ACAN: variants seen among roughly 807,000 people sequenced by gnomAD.
ACAN encodes aggrecan core protein.
In ACAN, 47 loss-of-function variants were observed where a neutral mutation model predicts 169.1. The ratio of observed to expected loss-of-function variants is 0.28; its 90% confidence interval spans 0.22 to 0.35. ACAN has a LOEUF of 0.35. Ranked by LOEUF, ACAN falls within the 10% of genes least tolerant of loss-of-function variation. The pLI, the probability that ACAN is intolerant of heterozygous loss-of-function variation, is 1.00. For missense variants in ACAN, 2,716 were observed against 2,759.9 expected, an observed-to-expected ratio of 0.98 and a Z score of 0.36; for synonymous variants, 1,115 against 1,112.2, an observed-to-expected ratio of 1.00 and a Z score of -0.05.
chr15:88,862,663 G>C (rs7165219), intron 13 of ACAN, among the ~76,000 whole-genome samples: 6,642 of 152,170 alleles, frequency 0.044, 347 homozygotes, highest in East Asian at 0.14. Flanking sequence ...GGTGACCCAC[G>C]ATTGTCTTGC....
At chr15:88,815,640 A>C (rs1895920723) in intron 1 of ACAN, among the ~76,000 whole-genome samples, 1 of 143,508 alleles carries the variant, frequency 7.0e-6, no homozygotes, top group African/African-American at 2.7e-5. Context: ...CAAGACATGA[A>C]ATGTTCTGCA....
At position 88,857,572 on chromosome 15, in the gene ACAN, G is replaced by T. The variant is rs1897085596; in HGVS notation, c.4987G>T (p.Asp1663Tyr). 1 of 1,613,944 alleles carries T rather than the reference G, an allele frequency of 6.2e-7. No individual in the cohort carries two copies. Among genetic ancestry groups the T allele is most frequent in the South Asian group, 1.1e-5 (1 of 91,080 alleles). Residue 1663 changes from aspartate (D) to tyrosine (Y), a missense_variant, in exon 12 of 19, where the codon GAT becomes TAT. Physicochemically the swap from Asp to Tyr is radical, Grantham distance 160. This residue lies in a region of ACAN where 1,389 missense variants were observed against 1,363.7 expected (regional missense o/e 1.02). Coordinates refer to ENST00000560601, the MANE Select transcript of ACAN (RefSeq NM_001369268.1). ...TGGATTCCCAACTGTTTCCCTAGTG[G>T]ATTCTACATTGGTGGAAGTGGTCAC... ...PSGFPTVSLVDSTLVEVVTAS... is the reference protein window; with the variant it reads ...PSGFPTVSLVYSTLVEVVTAS...
At chr15:88,819,550 G>A (rs1435222530) in intron 1 of ACAN, among the ~76,000 whole-genome samples, 2 of 148,368 alleles carry the variant, frequency 1.3e-5, no homozygotes, top group Admixed American at 1.4e-4. Context: ...ATTGCTTGAA[G>A]TCAGAAGTCT....
In ACAN at chr15:88,839,081, C is replaced by G. The variant is rs368657035; in HGVS notation, c.454+35C>G. On this transcript the variant is annotated intron_variant, in intron 3 of 18. Transcript: ENST00000560601. This position sits in a 1 kb window ranked among gnomAD's most constrained non-coding sequence, Gnocchi z 4.5. ...TCCCACAGGGACAGACGCTGCTTCA[C>G]CCACATAAAGAACCAGAGCAGTCTC... The G allele has an allele frequency of 5.0e-6, 8 of 1,593,178 alleles. No individual in the cohort carries two copies. Among genetic ancestry groups the G allele is most frequent in the Non-Finnish European group, 6.0e-6 (7 of 1,176,398 alleles).
chr15:88,834,488 G>C (rs1018472827), intron 1 of ACAN, among the ~76,000 whole-genome samples: 1 of 152,194 alleles, frequency 6.6e-6, no homozygotes, highest in Non-Finnish European at 1.5e-5. Flanking sequence ...CCCAGCCGGC[G>C]GTGACTGAGC....
At chr15:88,848,121 G>A in intron 9 of ACAN, 83 bp downstream of exon 9, 3 of 1,552,276 alleles carry the variant, frequency 1.9e-6, no homozygotes, top group South Asian at 2.4e-5. Context: ...AAGAAGAGAG[G>A]GGGTTACCAC....
intron 1 of ACAN, among the ~76,000 whole-genome samples, chr15:88,833,402 T>TC (rs959976167): frequency 3.3e-4 from 50 of 152,092 alleles, no homozygotes; most frequent in Middle Eastern, 3.4e-3. Context: ...CATTTCAGGC[T>TC]CCCCGTCCCC....
chr15:88,859,544 C>G, intron 12 of ACAN, 127 bp downstream of exon 12: 1 of 1,303,552 alleles, frequency 7.7e-7, no homozygotes, highest in Non-Finnish European at 1.1e-6. Context: ...GCTGTGCAGC[C>G]TCAGGCAATA....
chr15:88,838,520 G>C lies in ACAN; in HGVS notation c.71-143G>C. The C allele has an allele frequency of 1.9e-6, 2 of 1,061,534 alleles. No homozygotes were observed. The highest frequency in any genetic ancestry group is 1.7e-5 in the South Asian group (1 of 59,388). 65.8% of individuals were successfully genotyped at this position (1,061,534 alleles called of 1,614,324 possible). A position where few individuals can be genotyped will look rare whatever the true frequency, so the allele number is the denominator to read the frequency against. The stretch of plus-strand genomic sequence containing the variant: ...TTCTGGGAATTCCCACATGACACGG[G>C]AGCATCCCCATCATAGAGACAGACA... On this transcript the variant is annotated intron_variant, in intron 2 of 18. Transcript: ENST00000560601. This position sits in a 1 kb window ranked among gnomAD's most constrained non-coding sequence, Gnocchi z 5.1.
At chr15:88,810,035 G>A (rs1261703385) in intron 1 of ACAN, among the ~76,000 whole-genome samples, 1 of 152,132 alleles carries the variant, frequency 6.6e-6, no homozygotes, top group African/African-American at 2.4e-5. Flanking sequence ...ATGAAACACT[G>A]GAGCAGAAAG....
At chr15:88,864,351 T>G (rs1164686176) in intron 13 of ACAN, among the ~76,000 whole-genome samples, 1 of 151,908 alleles carries the variant, frequency 6.6e-6, no homozygotes, top group Non-Finnish European at 1.5e-5. Flanking sequence ...CACTGCAAGC[T>G]ACACCTCCTG....
intron 1 of ACAN, among the ~76,000 whole-genome samples, chr15:88,811,061 A>G (rs1188283823): frequency 1.3e-5 from 2 of 152,186 alleles, no homozygotes; most frequent in Non-Finnish European, 2.9e-5. Flanking sequence ...TGCCTGAGAC[A>G]GGGGCCCTTC....
intron 1 of ACAN, among the ~76,000 whole-genome samples, chr15:88,834,075 G>A (rs12907386): frequency 0.6 from 91,098 of 152,074 alleles, 27,796 homozygotes; most frequent in Middle Eastern, 0.71. Context: ...CATGGGGCTT[G>A]AACCAGAGCC....
intron 1 of ACAN, among the ~76,000 whole-genome samples, chr15:88,835,902 T>C (rs1448140581): frequency 6.6e-6 from 1 of 152,220 alleles, no homozygotes; most frequent in Non-Finnish European, 1.5e-5. Flanking sequence ...CCCAGTCAGG[T>C]TGACTCATAC....
At chr15:88,837,189 G>C (rs550327976) in intron 2 of ACAN, among the ~76,000 whole-genome samples, 4 of 152,304 alleles carry the variant, frequency 2.6e-5, no homozygotes, top group African/African-American at 9.6e-5. Context: ...TATGGGGTGT[G>C]GGCAGAGCAG....
intron 13 of ACAN, among the ~76,000 whole-genome samples, chr15:88,863,076 T>C (rs749539217): frequency 6.6e-6 from 1 of 151,676 alleles, no homozygotes; most frequent in African/African-American, 2.4e-5. Flanking sequence ...TGCAGCATGA[T>C]TCCTGCAGTA....
At position 88,866,480 on chromosome 15, in the gene ACAN, A is replaced by G. The variant is rs1377501216; in HGVS notation, c.6947-1736A>G. 6.6e-6 allele frequency among the ~76,000 whole-genome samples: 1 copy of G among 152,058 alleles called. No homozygotes were observed. Among genetic ancestry groups the G allele is most frequent in the Non-Finnish European group, 1.5e-5 (1 of 67,986 alleles). On this transcript the variant is annotated intron_variant, in intron 13 of 18. Transcript: ENST00000560601. This position sits in a 1 kb window ranked among gnomAD's most constrained non-coding sequence, Gnocchi z 5.6. ...AATCCTGGGGCATGCTGGGAATCCA[A>G]GTGCATGCTGGGATTTCAGTCTGTT...
At chr15:88,828,758 G>A (rs575646485) in intron 1 of ACAN, among the ~76,000 whole-genome samples, 2 of 152,276 alleles carry the variant, frequency 1.3e-5, no homozygotes, top group African/African-American at 4.8e-5. Flanking sequence ...TGGAATCTCA[G>A]GGAACTCCAG....
At chr15:88,823,392 A>C (rs548642267) in intron 1 of ACAN, among the ~76,000 whole-genome samples, 6 of 151,994 alleles carry the variant, frequency 3.9e-5, no homozygotes, top group Non-Finnish European at 5.9e-5. Flanking sequence ...GGTCCCTGGT[A>C]CTAGTTTTGG....
Sources: gnomAD v4.1 joint callset for allele counts (sites outside exome capture counted in the v4.1 genomes callset) on GRCh38, gnomAD v4.1.1 for gene constraint, gnomAD v4.1.1 regional missense constraint, Gnocchi (gnomAD v3.1) non-coding constraint, MANE v1.5 for transcripts, NCBI Gene and HGNC (gene_info 2026-07-23, HGNC 2026-07-21) for gene names.